The following GRIK4 variants were observed in gnomAD, a reference collection of about 807,000 sequenced individuals.
GRIK4 encodes glutamate receptor ionotropic, kainate 4.
Under a neutral mutation model 104.9 loss-of-function variants are expected in GRIK4, and 40 were observed. The ratio of observed to expected loss-of-function variants is 0.38; its 90% CI spans 0.30 to 0.50. The LOEUF (loss-of-function observed/expected upper bound fraction) is 0.50. Ranked by LOEUF, GRIK4 falls within the 20% of genes least tolerant of loss-of-function variation. The probability of loss-of-function intolerance (pLI) is 0.93; values close to 1 mark genes in which losing one functional copy is unlikely to be tolerated. For missense variants in GRIK4, 1,047 were observed against 1,308.1 expected, an observed-to-expected ratio of 0.80 and a Z score of 3.08; for synonymous variants, 485 against 524.9, an observed-to-expected ratio of 0.92 and a Z score of 1.04.
intron 12 of GRIK4, 27 bp downstream of exon 12, chr11:120,898,666 C>A: frequency 7.7e-7 from 1 of 1,294,080 alleles, no homozygotes; most frequent in African/African-American, 1.5e-5. Flanking sequence ...AGGCTCCCAG[C>A]TGCAGCATCC....
At chr11:120,860,745 A>G (rs1954240751) in intron 8 of GRIK4, among the ~76,000 whole-genome samples, 1 of 152,208 alleles carries the variant, frequency 6.6e-6, no homozygotes, top group African/African-American at 2.4e-5. Flanking sequence ...GAATGAAAAA[A>G]TTAGTGGTAA....
intron 1 of GRIK4, among the ~76,000 whole-genome samples, chr11:120,582,247 T>G (rs1948593744): frequency 6.6e-6 from 1 of 151,580 alleles, no homozygotes; most frequent in Non-Finnish European, 1.5e-5. Flanking sequence ...TGTTTCTTTT[T>G]TTTTTTTTAA....
chr11:120,710,705 G>A (rs952310497), intron 3 of GRIK4, among the ~76,000 whole-genome samples: 10 of 152,324 alleles, frequency 6.6e-5, no homozygotes, highest in Admixed American at 3.3e-4. Context: ...CAGAGGGCCT[G>A]GGGCTTGACC....
At chr11:120,558,121 G>A (rs1948205601) in intron 1 of GRIK4, among the ~76,000 whole-genome samples, 1 of 151,638 alleles carries the variant, frequency 6.6e-6, no homozygotes, top group Non-Finnish European at 1.5e-5. Context: ...TACAAGCTGT[G>A]CAACTTTGAG....
intron 1 of GRIK4, among the ~76,000 whole-genome samples, chr11:120,644,655 A>T (rs940300192): frequency 6.6e-6 from 1 of 152,162 alleles, no homozygotes; most frequent in Admixed American, 6.6e-5. Context: ...GGCCAGGAGG[A>T]AAGTCCAAGG....
At chr11:120,742,087 T>A (rs1951342670) in intron 3 of GRIK4, among the ~76,000 whole-genome samples, 1 of 152,168 alleles carries the variant, frequency 6.6e-6, no homozygotes, top group Admixed American at 6.5e-5. Context: ...GGCTCATGCC[T>A]GTAATCCCAG....
At chr11:120,878,814 G>A (rs1228098610) in intron 11 of GRIK4, among the ~76,000 whole-genome samples, 2 of 152,138 alleles carry the variant, frequency 1.3e-5, no homozygotes, top group African/African-American at 2.4e-5. Flanking sequence ...CTTATTACAA[G>A]ATGAAGAAAT....
intron 8 of GRIK4, among the ~76,000 whole-genome samples, chr11:120,839,488 C>T (rs191021995): frequency 2.6e-5 from 4 of 152,294 alleles, no homozygotes; most frequent in Admixed American, 2.0e-4. Context: ...GTACACATAG[C>T]AATGGACTCA....
chr11:120,785,078 G>GC (rs1478107456), intron 3 of GRIK4, among the ~76,000 whole-genome samples: 2 of 152,086 alleles, frequency 1.3e-5, no homozygotes, highest in Non-Finnish European at 2.9e-5. Flanking sequence ...CGTCCCTTCT[G>GC]CCTTCATTCC....
At chr11:120,716,400 T>C (rs961388788) in intron 3 of GRIK4, among the ~76,000 whole-genome samples, 1 of 152,102 alleles carries the variant, frequency 6.6e-6, no homozygotes, top group Non-Finnish European at 1.5e-5. Flanking sequence ...CCTGCCACTG[T>C]GCCCAGCTAA....
intron 8 of GRIK4, among the ~76,000 whole-genome samples, chr11:120,857,603 A>G (rs963298153): frequency 6.6e-6 from 1 of 152,184 alleles, no homozygotes; most frequent in East Asian, 1.9e-4. Flanking sequence ...AAAAAAATAC[A>G]ATAATGCAAT....
At chr11:120,723,484 G>A (rs185969966) in intron 3 of GRIK4, among the ~76,000 whole-genome samples, 5 of 152,196 alleles carry the variant, frequency 3.3e-5, no homozygotes, top group Non-Finnish European at 5.9e-5. Context: ...CTATGGCCTC[G>A]GGCAAATCCC....
In GRIK4 at chr11:120,953,968, TGTTACCTTTGCCTCTAGGCCACAGTGG is replaced by T. The variant is rs1288084738; in HGVS notation, c.1700+1006_1700+1032del. Among the ~76,000 whole-genome samples the T allele has an allele frequency of 1.3e-5, 2 of 152,172 alleles. No homozygotes were observed. Among genetic ancestry groups the T allele is most frequent in the Non-Finnish European group, 2.9e-5 (2 of 68,026 alleles). On this transcript the variant is annotated intron_variant, in intron 15 of 20. Transcript: ENST00000527524. The surrounding 1 kb of genome is among the most constrained non-coding windows in gnomAD (Gnocchi z 4.9). ...TCTGGTTTGCAGGTGTCTCTTCAGT[TGTTACCTTTGCCTCTAGGCCACAGTGG>T]GAGGGCAGACAGTGTTAGAGTGCAC...
intron 1 of GRIK4, among the ~76,000 whole-genome samples, chr11:120,562,339 C>T (rs1427295047): frequency 6.6e-6 from 1 of 152,176 alleles, no homozygotes; most frequent in East Asian, 1.9e-4. Flanking sequence ...AAAAAGTCAA[C>T]AGGGACCCCG....
rs114942426 is a variant in GRIK4 at position 120,909,895 on chromosome 11, C to T, written c.1476+4402C>T. On this transcript the variant is annotated intron_variant, in intron 13 of 20. Transcript: ENST00000527524. ...GGTGCTGTGGTTTGAATGTGTCCCT[C>T]CAAAGTTCACATGTTGGAAGCTTAA... Among the ~76,000 whole-genome samples the T allele has an allele frequency of 3.9e-3, 593 of 152,320 alleles. 2 individuals are homozygous for T. Among genetic ancestry groups the T allele is most frequent in the African/African-American group, 0.013 (561 of 41,564 alleles).
At chr11:120,770,179 G>A (rs1405331551) in intron 3 of GRIK4, among the ~76,000 whole-genome samples, 1 of 152,172 alleles carries the variant, frequency 6.6e-6, no homozygotes, top group Non-Finnish European at 1.5e-5. Context: ...GGAATTGAAT[G>A]ATCCTCCTAT....
intron 3 of GRIK4, among the ~76,000 whole-genome samples, chr11:120,726,173 A>G (rs867500956): frequency 1.3e-5 from 2 of 152,346 alleles, no homozygotes; most frequent in Middle Eastern, 3.4e-3. Context: ...GGTCAGGAAC[A>G]TAGAGATTAT....
At chr11:120,826,688 C>T (rs778307367) in intron 6 of GRIK4, among the ~76,000 whole-genome samples, 22 of 152,210 alleles carry the variant, frequency 1.4e-4, no homozygotes, top group Non-Finnish European at 2.6e-4. Flanking sequence ...CGGCCACCTA[C>T]GGTCCACCTG....
intron 12 of GRIK4, among the ~76,000 whole-genome samples, chr11:120,901,440 G>A (rs796413439): frequency 1.3e-5 from 2 of 152,208 alleles, no homozygotes; most frequent in African/African-American, 4.8e-5. Flanking sequence ...TCAAGGCTCT[G>A]CTCAGATGTC....
Sources: gnomAD v4.1 joint callset for allele counts (sites outside exome capture counted in the v4.1 genomes callset) on GRCh38, gnomAD v4.1.1 for gene constraint, Gnocchi (gnomAD v3.1) non-coding constraint, MANE v1.5 for transcripts, NCBI Gene and HGNC (gene_info 2026-07-23, HGNC 2026-07-21) for gene names.